The following RPS6KC1 variants were observed in gnomAD, a reference collection of about 807,000 sequenced individuals.
RPS6KC1 encodes the protein inactive ribosomal protein S6 kinase delta-1.
In RPS6KC1, 54 loss-of-function variants were observed where a neutral mutation model predicts 103.8. That is an observed-to-expected ratio of 0.52 (90% confidence interval 0.42 to 0.65). The LOEUF (loss-of-function observed/expected upper bound fraction) is 0.65. RPS6KC1 is among the 30% of genes least tolerant of loss of function. The probability of loss-of-function intolerance (pLI) is 0.00; values close to 1 mark genes in which losing one functional copy is unlikely to be tolerated. For missense variants in RPS6KC1, 1,151 were observed against 1,253.8 expected (o/e 0.92, Z 1.24); for synonymous variants, 439 against 438.7 (o/e 1.00, Z -0.01).
chr1:213,142,511 A>G lies in RPS6KC1; in HGVS notation c.835+12622A>G, dbSNP rs145542261. ...GCTGATCTTCCTTTAACTGTGGTGTAATTTGAGTATAGTCAATTGGCTTTA... is the reference window on the plus strand; with the variant it reads ...GCTGATCTTCCTTTAACTGTGGTGTGATTTGAGTATAGTCAATTGGCTTTA... On this transcript the variant is annotated intron_variant, in intron 6 of 14. Transcript: ENST00000366960. Among the ~76,000 whole-genome samples the G allele has an allele frequency of 3.4e-4, 52 of 152,124 alleles. No homozygotes were observed. In the East Asian group the frequency reaches 9.6e-3, roughly 28 times the overall value.
chr1:213,497,758 T>G, the RPS6KC1 span, among the ~76,000 whole-genome samples: 52,973 of 151,932 alleles, frequency 0.35, 9,668 homozygotes, highest in East Asian at 0.61. Context: ...AAAAAGTAGT[T>G]AGTAAATAGT....
the RPS6KC1 span, among the ~76,000 whole-genome samples, chr1:213,723,158 C>T: frequency 2.6e-5 from 4 of 152,148 alleles, no homozygotes; most frequent in African/African-American, 9.7e-5. Flanking sequence ...CCAGCCTGGG[C>T]AACAAGAGTG....
At chr1:213,580,766 T>C in the RPS6KC1 span, among the ~76,000 whole-genome samples, 1 of 151,972 alleles carries the variant, frequency 6.6e-6, no homozygotes, top group Non-Finnish European at 1.5e-5. Context: ...GTTAGCATTT[T>C]TTTTTGCAAT....
At chr1:213,411,053 A>G in the RPS6KC1 span, among the ~76,000 whole-genome samples, 1 of 152,152 alleles carries the variant, frequency 6.6e-6, no homozygotes, top group Non-Finnish European at 1.5e-5. Flanking sequence ...AGAGGAAGGC[A>G]CAAGATAAGC....
chr1:213,203,582 T>A (rs2093241632), intron 8 of RPS6KC1, among the ~76,000 whole-genome samples: 1 of 152,184 alleles, frequency 6.6e-6, no homozygotes, highest in African/African-American at 2.4e-5. Context: ...AGAAGCTCTT[T>A]TTATAAGAAT....
At chr1:213,175,227 A>G (rs1374578678) in intron 7 of RPS6KC1, among the ~76,000 whole-genome samples, 1 of 152,166 alleles carries the variant, frequency 6.6e-6, no homozygotes, top group Non-Finnish European at 1.5e-5. Context: ...AATACTAGCA[A>G]TATGCTAGGC....
At chr1:213,151,930 G>A (rs1413295926) in intron 6 of RPS6KC1, among the ~76,000 whole-genome samples, 1 of 118,562 alleles carries the variant, frequency 8.4e-6, no homozygotes, top group African/African-American at 3.4e-5. Flanking sequence ...GCGGGGGGCT[G>A]ACCCCCCCAC....
At chr1:213,819,500 G>A in the RPS6KC1 span, 1 of 152,198 alleles carries the variant, frequency 6.6e-6, no homozygotes, top group Admixed American at 6.5e-5. Context: ...AGGTTTTTCT[G>A]ATTTCAGCAG....
chr1:213,496,478 C>T, the RPS6KC1 span, among the ~76,000 whole-genome samples: 6 of 152,254 alleles, frequency 3.9e-5, no homozygotes, highest in East Asian at 1.2e-3. Flanking sequence ...TACTTTCAGG[C>T]CAGGCATGGT....
At chr1:213,674,296 G>A in the RPS6KC1 span, among the ~76,000 whole-genome samples, 1 of 152,290 alleles carries the variant, frequency 6.6e-6, no homozygotes. Flanking sequence ...TAGGATTACA[G>A]GCATGAGCCA....
intron 12 of RPS6KC1, among the ~76,000 whole-genome samples, chr1:213,251,018 C>G (rs2094535481): frequency 2.0e-5 from 3 of 151,534 alleles, no homozygotes; most frequent in Non-Finnish European, 4.4e-5. Context: ...AATTAGGTGC[C>G]TAAATTCCTT....
At chr1:213,222,449 A>G (rs1442743139) in intron 8 of RPS6KC1, among the ~76,000 whole-genome samples, 1 of 152,164 alleles carries the variant, frequency 6.6e-6, no homozygotes, top group African/African-American at 2.4e-5. Flanking sequence ...GCATAACATG[A>G]GAGAAGCATC....
intron 3 of RPS6KC1, among the ~76,000 whole-genome samples, chr1:213,089,225 C>G (rs1312598226): frequency 1.3e-5 from 2 of 152,142 alleles, no homozygotes; most frequent in African/African-American, 4.8e-5. Context: ...GTTCCCCTAC[C>G]AAGCATTTGG....
At chr1:213,248,984 G>A (rs897141132) in intron 12 of RPS6KC1, among the ~76,000 whole-genome samples, 43 of 152,220 alleles carry the variant, frequency 2.8e-4, no homozygotes, top group African/African-American at 9.6e-4. Context: ...TTTATGTCAA[G>A]CTTTAGATTA....
the RPS6KC1 span, among the ~76,000 whole-genome samples, chr1:213,728,003 AAGAGAGTCACAGGGG>A: frequency 6.6e-6 from 1 of 152,174 alleles, no homozygotes; most frequent in Non-Finnish European, 1.5e-5. Context: ...AGACAAAGGG[AAGAGAGTCACAGGGG>A]AGAAGAAGCC....
the RPS6KC1 span, among the ~76,000 whole-genome samples, chr1:213,804,300 C>T: frequency 6.6e-6 from 1 of 151,606 alleles, no homozygotes; most frequent in Non-Finnish European, 1.5e-5. Context: ...AGAGTTAGGT[C>T]AGAGGACCTT....
the RPS6KC1 span, among the ~76,000 whole-genome samples, chr1:213,525,632 A>G: frequency 6.6e-6 from 1 of 152,222 alleles, no homozygotes; most frequent in African/African-American, 2.4e-5. Flanking sequence ...CACCAAGAAA[A>G]CAAAGATGAA....
At chr1:213,284,778 T>G in the RPS6KC1 span, among the ~76,000 whole-genome samples, 1 of 151,430 alleles carries the variant, frequency 6.6e-6, no homozygotes, top group African/African-American at 2.4e-5. Flanking sequence ...TAACTGAGAG[T>G]GTTTACAGTA....
At chr1:213,147,124 T>A (rs982814687) in intron 6 of RPS6KC1, among the ~76,000 whole-genome samples, 1 of 152,222 alleles carries the variant, frequency 6.6e-6, no homozygotes, top group Non-Finnish European at 1.5e-5. Flanking sequence ...TTGTAAATAT[T>A]TCCTCCCATT....
Sources: allele counts gnomAD v4.1 joint callset (sites outside exome capture counted in the v4.1 genomes callset), GRCh38; gene constraint gnomAD v4.1.1; transcripts MANE v1.5; gene names NCBI Gene and HGNC (gene_info 2026-07-23, HGNC 2026-07-21).